Variants in MAPK10 observed in about 807,000 individuals in gnomAD.
MAPK10 encodes JNK3 alpha protein kinase.
MAPK10 carries 25 observed loss-of-function variants against 59.3 expected under a neutral mutation model. The observed-to-expected ratio is 0.42, with a 90% confidence interval of 0.31 to 0.59. The LOEUF (loss-of-function observed/expected upper bound fraction) is 0.59. Among genes scored for constraint, MAPK10 ranks in the 20% least tolerant of loss-of-function variants. The pLI is 0.15. For synonymous variants in MAPK10, 190 were observed against 200.5 expected, an observed-to-expected ratio of 0.95 and a Z score of 0.44; for missense variants, 351 against 568.9, an observed-to-expected ratio of 0.62 and a Z score of 3.90.
intron 7 of MAPK10, chr4:86,101,583 T>C: frequency 2.4e-6 from 1 of 409,306 alleles, no homozygotes. Context: ...GTCTTTATGC[T>C]GCCAGAAACA....
intron 4 of MAPK10, among the ~76,000 whole-genome samples, chr4:86,127,979 G>A (rs962272212): frequency 2.0e-5 from 3 of 151,874 alleles, no homozygotes; most frequent in South Asian, 2.1e-4. Flanking sequence ...TTATTGTAGT[G>A]TTACTCAAAT....
chr4:86,104,672 C>A (rs952176762), intron 5 of MAPK10, among the ~76,000 whole-genome samples: 1 of 151,978 alleles, frequency 6.6e-6, no homozygotes, highest in Non-Finnish European at 1.5e-5. Flanking sequence ...ACCCAGATCA[C>A]TTAGTGAACA....
chr4:86,459,107 GA>G (rs1751497534), intron 1 of MAPK10, among the ~76,000 whole-genome samples: 2 of 152,178 alleles, frequency 1.3e-5, no homozygotes, highest in South Asian at 4.1e-4. Context: ...CTAAGGCCAT[GA>G]ATAGACAATT....
At chr4:86,573,827 T>A (rs1335359799) in intron 1 of MAPK10, among the ~76,000 whole-genome samples, 2 of 152,224 alleles carry the variant, frequency 1.3e-5, no homozygotes, top group Non-Finnish European at 2.9e-5. Context: ...TTATTATTCA[T>A]CCTTTTTGAT....
At chr4:86,528,394 AG>A (rs763118407) in intron 1 of MAPK10, among the ~76,000 whole-genome samples, 1 of 152,176 alleles carries the variant, frequency 6.6e-6, no homozygotes, top group Non-Finnish European at 1.5e-5. Flanking sequence ...GGACCAGAAA[AG>A]AAAACTTATC....
intron 1 of MAPK10, among the ~76,000 whole-genome samples, chr4:86,581,829 T>C (rs920063125): frequency 6.8e-6 from 1 of 147,086 alleles, no homozygotes; most frequent in African/African-American, 2.5e-5. Context: ...CTGAGCTGTA[T>C]GTTCTTATGT....
At chr4:86,134,564 A>G (rs1452602699) in intron 4 of MAPK10, among the ~76,000 whole-genome samples, 9 of 152,254 alleles carry the variant, frequency 5.9e-5, no homozygotes, top group Admixed American at 5.2e-4. Flanking sequence ...AACAACATTC[A>G]GTTATTTCAA....
At chr4:86,416,892 A>G (rs1745928180) in intron 1 of MAPK10, among the ~76,000 whole-genome samples, 1 of 152,098 alleles carries the variant, frequency 6.6e-6, no homozygotes, top group African/African-American at 2.4e-5. Flanking sequence ...TCCCCCCACC[A>G]TCTCAAGAGC....
At chr4:86,495,572 C>T (rs1754813391) in intron 1 of MAPK10, among the ~76,000 whole-genome samples, 1 of 152,144 alleles carries the variant, frequency 6.6e-6, no homozygotes, top group Admixed American at 6.5e-5. Flanking sequence ...TTAGTGTCGA[C>T]ATTTTAATTG....
chr4:86,419,194 A>G (rs929913946), intron 1 of MAPK10, among the ~76,000 whole-genome samples: 2 of 152,250 alleles, frequency 1.3e-5, no homozygotes, highest in Non-Finnish European at 2.9e-5. Flanking sequence ...TTTAAAGAAC[A>G]GCTGTGGCTA....
chr4:86,559,302 A>G (rs374002100), intron 1 of MAPK10, among the ~76,000 whole-genome samples: 2 of 152,140 alleles, frequency 1.3e-5, no homozygotes, highest in South Asian at 4.1e-4. Flanking sequence ...AAATCTAAAA[A>G]TCCTATAATT....
At chr4:86,208,500 C>G (rs2149347657) in intron 2 of MAPK10, among the ~76,000 whole-genome samples, 1 of 150,586 alleles carries the variant, frequency 6.6e-6, no homozygotes, top group East Asian at 1.9e-4. Flanking sequence ...ACATGATTAT[C>G]TCAATAGATG....
At chr4:86,581,177 G>A (rs1404642370) in intron 1 of MAPK10, among the ~76,000 whole-genome samples, 1 of 151,760 alleles carries the variant, frequency 6.6e-6, no homozygotes, top group Non-Finnish European at 1.5e-5. Context: ...TGCTAGAATT[G>A]TACTAGCAGA....
At chr4:86,485,099 T>C (rs528524677) in intron 1 of MAPK10, among the ~76,000 whole-genome samples, 1 of 152,204 alleles carries the variant, frequency 6.6e-6, no homozygotes, top group South Asian at 2.1e-4. Flanking sequence ...GAGGACTTTC[T>C]GGTTTTTGGT....
At chr4:86,221,603 C>T (rs1396279518) in intron 2 of MAPK10, among the ~76,000 whole-genome samples, 1 of 152,108 alleles carries the variant, frequency 6.6e-6, no homozygotes, top group East Asian at 1.9e-4. Flanking sequence ...TCTCCCACCT[C>T]AGCCTCCTTA....
chr4:86,226,351 T>A (rs6827698), intron 2 of MAPK10, among the ~76,000 whole-genome samples: 49,973 of 152,154 alleles, frequency 0.33, 11,158 homozygotes, highest in African/African-American at 0.64. Flanking sequence ...GTATTTCAAG[T>A]TCATAGTGCA....
chr4:86,350,503 C>A (rs1211940493), intron 2 of MAPK10, among the ~76,000 whole-genome samples: 1 of 152,002 alleles, frequency 6.6e-6, no homozygotes, highest in Non-Finnish European at 1.5e-5. Flanking sequence ...CGTGAGCCAC[C>A]ACGTCTGGCC....
At chr4:86,121,398 T>C (rs1453820583) in intron 4 of MAPK10, among the ~76,000 whole-genome samples, 1 of 152,144 alleles carries the variant, frequency 6.6e-6, no homozygotes, top group South Asian at 2.1e-4. Context: ...CAAATCCTCA[T>C]GACCTAATCA....
At chr4:86,274,471 T>A (rs528048542) in intron 2 of MAPK10, among the ~76,000 whole-genome samples, 1 of 152,000 alleles carries the variant, frequency 6.6e-6, no homozygotes, top group African/African-American at 2.4e-5. Flanking sequence ...TTCCAATTGA[T>A]TGCCAATTTT....
Sources: gnomAD v4.1 joint callset for allele counts (sites outside exome capture counted in the v4.1 genomes callset) on GRCh38, gnomAD v4.1.1 for gene constraint, MANE v1.5 for transcripts, NCBI Gene and HGNC (gene_info 2026-07-23, HGNC 2026-07-21) for gene names.